THEMIS2: variants seen among roughly 807,000 people sequenced by gnomAD.
THEMIS2 encodes thymocyte selection associated family member 2.
Under a neutral mutation model 46.8 loss-of-function variants are expected in THEMIS2, and 29 were observed. That is an observed-to-expected ratio of 0.62 (90% CI 0.46 to 0.84). The LOEUF (loss-of-function observed/expected upper bound fraction) is 0.84, where lower values mean the gene tolerates loss of function less well. THEMIS2 is among the 40% of genes least tolerant of loss of function. THEMIS2 has a pLI of 0.00. For synonymous variants in THEMIS2, 335 were observed against 349.1 expected (o/e 0.96, Z 0.45); for missense variants, 698 against 834.7 (o/e 0.84, Z 2.02).
Position 27,882,869 on chromosome 1 carries a change from G to A in THEMIS2, c.1545G>A (p.Gln515=). Residue 515 remains glutamine, a synonymous_variant, in exon 4 of 6, where the codon CAG becomes CAA. Coordinates refer to ENST00000373921, the MANE Select transcript of THEMIS2 (RefSeq NM_001105556.3). The surrounding 1 kb of genome is among the most constrained non-coding windows in gnomAD (Gnocchi z 7.6). ...LDLTVVKAKG[Q]PDLPEGSLPI... is the part of the protein sequence containing the mutation. The stretch of plus-strand genomic sequence containing the variant: ...TGACTGTTGTGAAGGCCAAGGGGCA[G>A]CCAGACTTGCCAGAGGGGTCTCTCC... 1 of 1,613,938 alleles carries A rather than the reference G, an allele frequency of 6.2e-7. No homozygotes were observed. The highest frequency in any genetic ancestry group is 8.5e-7 in the Non-Finnish European group (1 of 1,179,970).
At position 27,872,658 on chromosome 1, in the gene THEMIS2, C is replaced by T; in HGVS notation, c.87C>T (p.Tyr29=). The change falls in exon 1 of 6, where the codon TAC becomes TAT. Residue 29 remains tyrosine, a synonymous_variant. Transcript: ENST00000373921. This position sits in a 1 kb window ranked among gnomAD's most constrained non-coding sequence, Gnocchi z 4.9. Reference sequence around the variant, plus strand: ...TGCTGCGGGTCTGCTCGGGGGTCTACTTCGAGGGTGAGCGGGGGCTGGAAC... The same window carrying T: ...TGCTGCGGGTCTGCTCGGGGGTCTATTTCGAGGGTGAGCGGGGGCTGGAAC... ...PRVLRVCSGV[Y]FEGSIYEISG... 7.2e-7 allele frequency: 1 copy of T among 1,397,322 alleles called. No homozygotes were observed. Among genetic ancestry groups the T allele is most frequent in the African/African-American group, 1.5e-5 (1 of 67,142 alleles). The allele number at this position is 1,397,322 out of a possible 1,614,324, so 86.6% of individuals were successfully genotyped here.
chr1:27,880,142 C>T, intron 3 of THEMIS2, 88 bp downstream of exon 3: 2 of 1,398,544 alleles, frequency 1.4e-6, no homozygotes, highest in Middle Eastern at 1.9e-4. Context: ...GACACCCCCA[C>T]CCCATCCCTG....
intron 2 of THEMIS2, among the ~76,000 whole-genome samples, chr1:27,877,921 G>A (rs551334430): frequency 3.9e-5 from 6 of 151,974 alleles, no homozygotes; most frequent in Admixed American, 6.5e-5. Context: ...AGGCTGAGGC[G>A]GGTGGATCAC....
intron 3 of THEMIS2, 88 bp downstream of exon 3, chr1:27,880,142 C>A: frequency 7.2e-7 from 1 of 1,398,540 alleles, no homozygotes; most frequent in Non-Finnish European, 9.6e-7. Context: ...GACACCCCCA[C>A]CCCATCCCTG....
chr1:27,880,215 A>G (rs977261934), intron 3 of THEMIS2, among the ~76,000 whole-genome samples, 161 bp downstream of exon 3: 1 of 151,754 alleles, frequency 6.6e-6, no homozygotes, highest in Non-Finnish European at 1.5e-5. Flanking sequence ...TTTTTTTTTG[A>G]GATGGAGTTT....
At chr1:27,878,034 C>T (rs1308073844) in intron 2 of THEMIS2, among the ~76,000 whole-genome samples, 1 of 149,166 alleles carries the variant, frequency 6.7e-6, no homozygotes, top group Non-Finnish European at 1.5e-5. Flanking sequence ...CCTGTAATCC[C>T]AGCTATTCAG....
chr1:27,884,653 G>GT (rs1381433468), intron 4 of THEMIS2: 2 of 152,470 alleles, frequency 1.3e-5, no homozygotes, highest in Admixed American at 1.3e-4. Flanking sequence ...CCCTCTGTGC[G>GT]TTGGAATCTT....
In THEMIS2 at chr1:27,882,148, TCCTC is replaced by T. The variant is rs768673980; in HGVS notation, c.825_828del (p.Phe275LeufsTer19). On this transcript the variant is annotated frameshift_variant, in exon 4 of 6. Transcript: ENST00000373921. LOFTEE classifies it high-confidence loss of function. The surrounding 1 kb of genome is among the most constrained non-coding windows in gnomAD (Gnocchi z 7.6). ...GAGGTTCCTGAGGGCCGCCCCATCT[TCCTC>T]AGCCCGTGGGTGGGCTCCTTGCAAA... The T allele has an allele frequency of 6.2e-7, 1 of 1,614,216 alleles. No individual in the cohort carries two copies. Among genetic ancestry groups the T allele is most frequent in the Non-Finnish European group, 8.5e-7 (1 of 1,180,028 alleles).
Position 27,874,033 on chromosome 1 carries a change from G to GTTTTTTTT in THEMIS2, c.94+1378_94+1385dup, listed in dbSNP as rs1256524975. On this transcript the variant is annotated intron_variant, in intron 1 of 5. Transcript: ENST00000373921. ...GGCAAACACCCTGGGTTCAACCTAG[G>GTTTTTTTT]TTTTTTTTTTTTTTTTTGAGACAGA... is the stretch of plus-strand genomic sequence containing the variant. Among the ~76,000 whole-genome samples, 20 of 97,136 alleles carry GTTTTTTTT rather than the reference G, an allele frequency of 2.1e-4. 6 individuals carry two copies. Among genetic ancestry groups the GTTTTTTTT allele is most frequent in the Non-Finnish European group, 2.7e-4 (15 of 55,486 alleles). 63.7% of individuals were successfully genotyped at this position (97,136 alleles called of 152,430 possible).
At position 27,885,943 on chromosome 1, in the gene THEMIS2, C is replaced by T; in HGVS notation, c.*21C>T. ...TCTAAGTGCTGGAGGAACCACGCTT[C>T]CTAACTGCTGCTTCTCAGGGAATCC... On this transcript the variant is annotated 3_prime_UTR_variant, in exon 6 of 6. Transcript: ENST00000373921. 1.2e-6 allele frequency: 2 copies of T among 1,613,004 alleles called. No homozygotes were observed. Among genetic ancestry groups the T allele is most frequent in the Non-Finnish European group, 1.7e-6 (2 of 1,179,084 alleles).
At chr1:27,885,806 T>C in intron 5 of THEMIS2, 61 bp from the exon 6 acceptor site, 1 of 1,561,690 alleles carries the variant, frequency 6.4e-7, no homozygotes, top group Non-Finnish European at 8.8e-7. Flanking sequence ...GAAACTGCCC[T>C]ACAGAAGGGA....
chr1:27,875,109 G>T (rs1362319607), intron 1 of THEMIS2, among the ~76,000 whole-genome samples: 2 of 152,160 alleles, frequency 1.3e-5, no homozygotes, highest in East Asian at 3.9e-4. Context: ...CTCCTGAGTA[G>T]CTGGGATTAC....
rs1259669009 is a variant in THEMIS2 at position 27,880,028 on chromosome 1, A to G, written c.620A>G (p.Gln207Arg). 1 of 1,606,752 alleles carries G rather than the reference A, an allele frequency of 6.2e-7. No homozygotes were observed. Among genetic ancestry groups the G allele is most frequent in the Non-Finnish European group, 8.5e-7 (1 of 1,174,300 alleles). ...LPWHSLILRP[Q>R]YEIQAIMHMR... ...TGGCATTCCCTGATCCTGCGGCCCC[A>G]GTATGAGATCCAAGCCATCATGCAC... Residue 207 changes from glutamine to arginine, a missense_variant, in exon 3 of 6, where the codon CAG becomes CGG. By Grantham distance (43) the Gln-to-Arg change is conservative. Transcript: ENST00000373921.
Position 27,882,625 on chromosome 1 carries a change from T to G in THEMIS2, c.1301T>G (p.Met434Arg), listed in dbSNP as rs975083995. Reference protein sequence around the residue: ...FHFPGSFVEEMSDSRRYSLAD... With the variant: ...FHFPGSFVEERSDSRRYSLAD... ...TTCCCTGGCAGTTTCGTGGAGGAGA[T>G]GAGTGACAGCCGGCGCTACAGCCTG... The change falls in exon 4 of 6, where the codon ATG becomes AGG. Residue 434 changes from methionine (M) to arginine (R), a missense_variant. Met to Arg is a moderately conservative substitution (Grantham distance 91, BLOSUM62 -1). Coordinates refer to ENST00000373921, the MANE Select transcript of THEMIS2 (RefSeq NM_001105556.3). The surrounding 1 kb of genome is among the most constrained non-coding windows in gnomAD (Gnocchi z 7.6). 6.2e-7 allele frequency: 1 copy of G among 1,614,088 alleles called. No individual in the cohort carries two copies. The highest frequency in any genetic ancestry group is 8.5e-7 in the Non-Finnish European group (1 of 1,179,994).
rs2089690269 is a variant in THEMIS2 at position 27,882,105 on chromosome 1, C to G, written c.781C>G (p.Leu261Val). 2 of 1,614,214 alleles carry G rather than the reference C, an allele frequency of 1.2e-6. No individual in the cohort carries two copies. Among genetic ancestry groups the G allele is most frequent in the Non-Finnish European group, 1.7e-6 (2 of 1,180,020 alleles). ...EVLAWEGPFP[L>V]SMEILEVPEG... is the part of the protein sequence containing the mutation. ...CCTGGCCTGGGAAGGCCCTTTCCCC[C>G]TGTCCATGGAGATCCTGGAGGTTCC... The change falls in exon 4 of 6, where the codon CTG (leucine) becomes GTG (valine). Residue 261 changes from leucine to valine, a missense_variant. Transcript: ENST00000373921. This position sits in a 1 kb window ranked among gnomAD's most constrained non-coding sequence, Gnocchi z 7.6.
At chr1:27,879,295 G>A (rs1382136520) in intron 2 of THEMIS2, among the ~76,000 whole-genome samples, 1 of 152,166 alleles carries the variant, frequency 6.6e-6, no homozygotes, top group Non-Finnish European at 1.5e-5. Flanking sequence ...CTGGAGGAAA[G>A]GCTAAGATGG....
chr1:27,880,196 A>G, intron 3 of THEMIS2, 142 bp downstream of exon 3: 1 of 982,586 alleles, frequency 1.0e-6, no homozygotes, highest in Non-Finnish European at 1.5e-6. Context: ...TATTACACTG[A>G]AGTTATTCTT....
At chr1:27,876,749 T>C (rs201886067) in intron 2 of THEMIS2, 21 bp downstream of exon 2, 7 of 1,611,932 alleles carry the variant, frequency 4.3e-6, no homozygotes, top group Non-Finnish European at 5.9e-6. Context: ...CACCTCTGCC[T>C]CCCCATGTGC....
chr1:27,882,954 G>T lies in THEMIS2; in HGVS notation c.1630G>T (p.Ala544Ser). ...TFYYRLRKLP[A>S]CEIQAPPPRP... ...CTATTATCGTCTTCGGAAGTTACCA[G>T]CCTGTGAGATCCAAGCCCCCCCACC... Residue 544 changes from alanine (A) to serine (S), a missense_variant, in exon 4 of 6, where the codon GCC (alanine) becomes TCC (serine). Ala to Ser is a moderately conservative substitution (Grantham distance 99, BLOSUM62 1). Transcript: ENST00000373921. This position sits in a 1 kb window ranked among gnomAD's most constrained non-coding sequence, Gnocchi z 7.6. 2.5e-6 allele frequency: 4 copies of T among 1,613,794 alleles called. No individual in the cohort carries two copies. Among genetic ancestry groups the T allele is most frequent in the Non-Finnish European group, 3.4e-6 (4 of 1,179,960 alleles).
Sources: allele counts gnomAD v4.1 joint callset (sites outside exome capture counted in the v4.1 genomes callset), GRCh38; gene constraint gnomAD v4.1.1; non-coding constraint Gnocchi (gnomAD v3.1); transcripts MANE v1.5; gene names NCBI Gene and HGNC (gene_info 2026-07-23, HGNC 2026-07-21).